The following MYO10 variants were observed in gnomAD, a reference collection of about 807,000 sequenced individuals.
The protein encoded by MYO10 is myosin X, also known as unconventional myosin-X.
Under a neutral mutation model 257.3 loss-of-function variants are expected in MYO10, and 133 were observed. The observed-to-expected ratio is 0.52, with a 90% confidence interval of 0.45 to 0.60. The LOEUF (loss-of-function observed/expected upper bound fraction) is 0.60. Ranked by LOEUF, MYO10 falls within the 20% of genes least tolerant of loss-of-function variation. The pLI is 0.00. For missense variants in MYO10, 2,399 were observed against 2,635.7 expected (o/e 0.91, Z 1.97); for synonymous variants, 1,104 against 1,028.6 (o/e 1.07, Z -1.40).
In MYO10 at chr5:16,674,976, G is replaced by C. The variant is rs753861545; in HGVS notation, c.4841C>G (p.Thr1614Ser). 2.5e-6 allele frequency: 4 copies of C among 1,613,988 alleles called. No homozygotes were observed. Among genetic ancestry groups the C allele is most frequent in the South Asian group, 2.2e-5 (2 of 91,084 alleles). ...DELYCQLIKQ[T>S]NKVPHPGSVG... ...ACTGCCGGGGTGGGGCACTTTGTTGGTCTGTTTGATAAGCTGGCAGTACAG... is the reference window on the plus strand; with the variant it reads ...ACTGCCGGGGTGGGGCACTTTGTTGCTCTGTTTGATAAGCTGGCAGTACAG... Residue 1614 changes from threonine (T) to serine (S), a missense_variant, in exon 35 of 41, where the codon ACC becomes AGC. Physicochemically the swap from Thr to Ser is moderately conservative, Grantham distance 58. Coordinates refer to ENST00000513610, the MANE Select transcript of MYO10 (RefSeq NM_012334.3).
intron 1 of MYO10, among the ~76,000 whole-genome samples, chr5:16,933,545 G>A (rs796115997): frequency 2.4e-4 from 37 of 152,304 alleles, no homozygotes; most frequent in African/African-American, 8.9e-4. Context: ...AGTTAGCAAA[G>A]ACAGAATTCT....
intron 19 of MYO10, among the ~76,000 whole-genome samples, chr5:16,719,512 A>T (rs531007690): frequency 2.8e-4 from 42 of 152,286 alleles, no homozygotes; most frequent in African/African-American, 9.9e-4. Context: ...ACAGTGTGAC[A>T]ACTCCTTGGG....
chr5:16,724,185 AAC>A (rs1169010225), intron 19 of MYO10, among the ~76,000 whole-genome samples: 8 of 152,332 alleles, frequency 5.3e-5, no homozygotes, highest in Non-Finnish European at 8.8e-5. Flanking sequence ...TAACGCTGGA[AAC>A]ATATAGAGTC....
At chr5:16,913,174 G>GGA (rs1554008466) in intron 1 of MYO10, among the ~76,000 whole-genome samples, 2 of 150,996 alleles carry the variant, frequency 1.3e-5, no homozygotes, top group African/African-American at 2.4e-5. Context: ...GGTTATAGAG[G>GGA]AAAAAAAAAT....
chr5:16,818,253 C>T (rs1742685247), intron 2 of MYO10, 86 bp from the exon 3 acceptor site: 3 of 1,206,484 alleles, frequency 2.5e-6, no homozygotes, highest in Non-Finnish European at 3.4e-6. Flanking sequence ...AATACAATCT[C>T]AGTATAATTT....
At chr5:16,815,229 G>GC in intron 3 of MYO10, 1 of 483,484 alleles carries the variant, frequency 2.1e-6, no homozygotes, top group Non-Finnish European at 3.6e-6. Flanking sequence ...TATAGATTGA[G>GC]CATCCCTTGT....
intron 19 of MYO10, among the ~76,000 whole-genome samples, chr5:16,733,273 T>C (rs924268538): frequency 6.6e-6 from 1 of 152,202 alleles, no homozygotes; most frequent in Non-Finnish European, 1.5e-5. Flanking sequence ...AGTGGAGTGC[T>C]GGAAGGGGCT....
intron 27 of MYO10, among the ~76,000 whole-genome samples, chr5:16,693,309 A>ATG (rs1240528962): frequency 2.6e-5 from 4 of 152,288 alleles, no homozygotes; most frequent in African/African-American, 9.6e-5. Flanking sequence ...ACATCACGGT[A>ATG]TGTGAGGCTG....
chr5:16,877,846 C>A, intron 1 of MYO10, 139 bp from the exon 2 acceptor site: 1 of 673,684 alleles, frequency 1.5e-6, no homozygotes, highest in South Asian at 1.8e-5. Context: ...AAGCAAAGAA[C>A]AAATCTTCGC....
Position 16,710,886 on chromosome 5 carries a change from T to C in MYO10, c.2169+22A>G, listed in dbSNP as rs753697247. On this transcript the variant is annotated intron_variant, in intron 21 of 40. Transcript: ENST00000513610. ...AGATCTGTCAGGGATTCGGTGGGAG[T>C]TGCTCTTTCTCCGCATCGTACCTTG... is the stretch of plus-strand genomic sequence containing the variant. The C allele has an allele frequency of 5.6e-6, 9 of 1,594,032 alleles. No individual in the cohort carries two copies. The East Asian group carries it at 1.8e-4, about 32-fold the overall frequency.
intron 2 of MYO10, among the ~76,000 whole-genome samples, chr5:16,866,231 C>A (rs1744245053): frequency 6.6e-6 from 1 of 152,148 alleles, no homozygotes; most frequent in African/African-American, 2.4e-5. Context: ...CAGCTGTGAG[C>A]AAATGCACAT....
At chr5:16,914,802 T>C (rs1039558064) in intron 1 of MYO10, among the ~76,000 whole-genome samples, 10 of 152,132 alleles carry the variant, frequency 6.6e-5, no homozygotes, top group African/African-American at 2.4e-4. Context: ...TCTTGAGACA[T>C]CAACTTGTAA....
chr5:16,803,492 G>T (rs993993775), intron 3 of MYO10, among the ~76,000 whole-genome samples: 1 of 152,176 alleles, frequency 6.6e-6, no homozygotes, highest in African/African-American at 2.4e-5. Context: ...AAATGTTCTG[G>T]TGACAAGCTA....
intron 8 of MYO10, 58 bp from the exon 9 acceptor site, chr5:16,779,706 T>TGAAAACTCTGAA: frequency 1.0e-6 from 1 of 996,588 alleles, no homozygotes. Context: ...AAATTCAGAG[T>TGAAAACTCTGAA]TTTCACTCTG....
chr5:16,920,363 G>A (rs1186258940), intron 1 of MYO10, among the ~76,000 whole-genome samples: 1 of 152,190 alleles, frequency 6.6e-6, no homozygotes, highest in Non-Finnish European at 1.5e-5. Flanking sequence ...AAACCGGCAC[G>A]TGTACCAACA....
chr5:16,874,319 G>A (rs1561031239), intron 2 of MYO10, among the ~76,000 whole-genome samples: 1 of 109,296 alleles, frequency 9.1e-6, no homozygotes, highest in Non-Finnish European at 1.7e-5. Flanking sequence ...GGGCGACAGA[G>A]CAAGACTCCA....
At chr5:16,827,809 A>G (rs1743045683) in intron 2 of MYO10, among the ~76,000 whole-genome samples, 2 of 152,204 alleles carry the variant, frequency 1.3e-5, no homozygotes. Context: ...TGCCAGCTGC[A>G]TGCATCAGAC....
At chr5:16,775,401 T>C (rs994795560) in intron 9 of MYO10, among the ~76,000 whole-genome samples, 9 of 152,188 alleles carry the variant, frequency 5.9e-5, no homozygotes, top group Non-Finnish European at 1.0e-4. Flanking sequence ...ATTGCCAGAA[T>C]ACACTAACAT....
chr5:16,916,111 C>T (rs1053728309), intron 1 of MYO10: 2 of 456,084 alleles, frequency 4.4e-6, no homozygotes, highest in African/African-American at 4.0e-5. Context: ...GATGTCATCG[C>T]TGAAGTCTCA....
Sources: allele counts gnomAD v4.1 joint callset (sites outside exome capture counted in the v4.1 genomes callset), GRCh38; gene constraint gnomAD v4.1.1; transcripts MANE v1.5; gene names NCBI Gene and HGNC (gene_info 2026-07-23, HGNC 2026-07-21).